CDH12: variants seen among roughly 807,000 people sequenced by gnomAD.
The protein encoded by CDH12 is cadherin 12, also known as cadherin-12.
Under a neutral mutation model 74.1 loss-of-function variants are expected in CDH12, and 41 were observed. That is an observed-to-expected ratio of 0.55 (90% CI 0.43 to 0.72). The LOEUF (loss-of-function observed/expected upper bound fraction) is 0.72. Among genes scored for constraint, CDH12 ranks in the 30% least tolerant of loss-of-function variants. The pLI is 0.00. For synonymous variants in CDH12, 399 were observed against 355.0 expected (o/e 1.12, Z -1.39); for missense variants, 945 against 977.2 (o/e 0.97, Z 0.44).
chr5:22,406,783 G>A (rs1436147097), intron 2 of CDH12, among the ~76,000 whole-genome samples: 2 of 151,984 alleles, frequency 1.3e-5, no homozygotes, highest in Non-Finnish European at 2.9e-5. Flanking sequence ...TTCAAAAAAA[G>A]CTCTTTGAAA....
chr5:22,340,248 T>C (rs551594252), intron 3 of CDH12, among the ~76,000 whole-genome samples: 14 of 152,292 alleles, frequency 9.2e-5, no homozygotes, highest in East Asian at 7.7e-4. Context: ...AATTCTGGGC[T>C]GGGTGCCGTG....
intron 14 of CDH12, among the ~76,000 whole-genome samples, chr5:21,753,734 G>T (rs1003500996): frequency 4.6e-5 from 7 of 152,292 alleles, no homozygotes; most frequent in Non-Finnish European, 2.9e-5. Context: ...CTAGAATAGT[G>T]CTGGTGCTCT....
intron 3 of CDH12, among the ~76,000 whole-genome samples, chr5:22,344,817 C>G (rs890377435): frequency 6.6e-6 from 1 of 152,148 alleles, no homozygotes; most frequent in African/African-American, 2.4e-5. Context: ...GTTCCAGTAG[C>G]AAGCAGCTCA....
intron 3 of CDH12, among the ~76,000 whole-genome samples, chr5:22,373,263 C>G (rs966760412): frequency 5.9e-5 from 9 of 152,220 alleles, no homozygotes; most frequent in Non-Finnish European, 8.8e-5. Context: ...ACAGTTGGCA[C>G]CCCCTGGCAT....
chr5:22,667,162 T>C (rs1017004899), intron 1 of CDH12, among the ~76,000 whole-genome samples: 3 of 149,872 alleles, frequency 2.0e-5, no homozygotes, highest in Admixed American at 1.4e-4. Context: ...TAAATTATGG[T>C]CCCCAAATTT....
At chr5:22,602,597 G>T (rs1435542761) in intron 1 of CDH12, among the ~76,000 whole-genome samples, 2 of 151,978 alleles carry the variant, frequency 1.3e-5, no homozygotes, top group East Asian at 1.9e-4. Context: ...ATGAGTGAGA[G>T]AATACTGTAA....
intron 1 of CDH12, among the ~76,000 whole-genome samples, chr5:22,670,250 C>G (rs543613731): frequency 2.4e-4 from 36 of 152,206 alleles, no homozygotes; most frequent in Middle Eastern, 3.4e-3. Flanking sequence ...AACTCCTGGC[C>G]TCAAGCATTC....
intron 6 of CDH12, among the ~76,000 whole-genome samples, chr5:21,861,077 C>T (rs1173984307): frequency 6.6e-6 from 1 of 151,972 alleles, no homozygotes; most frequent in African/African-American, 2.4e-5. Flanking sequence ...AGGGAAACCT[C>T]AGGAATATCA....
Position 21,816,945 on chromosome 5 carries a change from CT to C in CDH12, c.1001del (p.Lys334SerfsTer3). ...ACTGTCCCAACATTTGTCTATATAC[CT>C]TTTTCAATTTGATGACTCCCTCTTG... ...DTQEGVIKLK[K>X]PLDFETKKAY... On this transcript the variant is annotated frameshift_variant and splice_region_variant, in exon 9 of 15. Coordinates refer to ENST00000382254, the MANE Select transcript of CDH12 (RefSeq NM_004061.5). LOFTEE classifies it high-confidence loss of function. The C allele has an allele frequency of 1.9e-6, 3 of 1,582,792 alleles. No homozygotes were observed. Among genetic ancestry groups the C allele is most frequent in the Non-Finnish European group, 2.6e-6 (3 of 1,161,866 alleles).
intron 2 of CDH12, among the ~76,000 whole-genome samples, chr5:22,411,430 C>G (rs1743165995): frequency 6.6e-6 from 1 of 151,872 alleles, no homozygotes; most frequent in Admixed American, 6.6e-5. Flanking sequence ...ACACCTTAAT[C>G]TTTCTGACAG....
chr5:22,391,632 A>G (rs1359168886), intron 3 of CDH12, among the ~76,000 whole-genome samples: 1 of 152,184 alleles, frequency 6.6e-6, no homozygotes, highest in Non-Finnish European at 1.5e-5. Context: ...CAATGGAATT[A>G]GTGCCCTACC....
intron 5 of CDH12, among the ~76,000 whole-genome samples, chr5:22,032,815 TACAC>T (rs757479604): frequency 2.0e-5 from 3 of 146,758 alleles, no homozygotes; most frequent in Admixed American, 1.4e-4. Flanking sequence ...TGTGTATATA[TACAC>T]ACACACACAC....
Position 21,922,408 on chromosome 5 carries a change from C to A in CDH12, c.526+52683G>T, listed in dbSNP as rs546174579. ...TTAATGGCTAAAATTATTTCCTTTA[C>A]AAAAACGCTGAATTATGGGTCATCA... On this transcript the variant is annotated intron_variant, in intron 6 of 14. Transcript: ENST00000382254. Among the ~76,000 whole-genome samples, 134 of 152,170 alleles carry A rather than the reference C, an allele frequency of 8.8e-4. 3 individuals are homozygous for A. The highest frequency in any genetic ancestry group is 1.3e-3 in the Non-Finnish European group (86 of 67,980).
chr5:22,823,762 G>A (rs1399497897), intron 1 of CDH12, among the ~76,000 whole-genome samples: 1 of 151,900 alleles, frequency 6.6e-6, no homozygotes, highest in East Asian at 1.9e-4. Flanking sequence ...TTTATAAATG[G>A]CAGTTTCCCC....
chr5:22,776,287 T>C (rs905156519), intron 1 of CDH12, among the ~76,000 whole-genome samples: 14 of 152,172 alleles, frequency 9.2e-5, no homozygotes, highest in African/African-American at 3.4e-4. Flanking sequence ...TACATGACTA[T>C]ATTTTTGATC....
At chr5:22,832,292 T>C (rs1736650571) in intron 1 of CDH12, among the ~76,000 whole-genome samples, 1 of 152,314 alleles carries the variant, frequency 6.6e-6, no homozygotes, top group South Asian at 2.1e-4. Context: ...GTACTTAGTA[T>C]AGTACCTTAC....
At chr5:21,944,455 T>C (rs1755478013) in intron 6 of CDH12, among the ~76,000 whole-genome samples, 1 of 152,160 alleles carries the variant, frequency 6.6e-6, no homozygotes. Flanking sequence ...GCATGGATTA[T>C]ACTTAAACTT....
At chr5:22,770,918 G>A (rs549367083) in intron 1 of CDH12, among the ~76,000 whole-genome samples, 1 of 152,162 alleles carries the variant, frequency 6.6e-6, no homozygotes, top group East Asian at 1.9e-4. Flanking sequence ...GATTCTGTAA[G>A]GGAAATATTT....
At chr5:22,395,218 C>G (rs769338805) in intron 3 of CDH12, among the ~76,000 whole-genome samples, 1 of 151,974 alleles carries the variant, frequency 6.6e-6, no homozygotes. Flanking sequence ...GAGGAGAAGA[C>G]GTATGGAAGA....
Sources: gnomAD v4.1 joint callset for allele counts (sites outside exome capture counted in the v4.1 genomes callset) on GRCh38, gnomAD v4.1.1 for gene constraint, MANE v1.5 for transcripts, NCBI Gene and HGNC (gene_info 2026-07-23, HGNC 2026-07-21) for gene names.